Variants in ZNF638 observed in about 807,000 individuals in gnomAD.
ZNF638 encodes zinc finger protein 638, also known as CTCL tumor antigen se33-1.
ZNF638 carries 46 observed loss-of-function variants against 195.6 expected under a neutral mutation model. The ratio of observed to expected loss-of-function variants is 0.24; its 90% CI spans 0.19 to 0.30. The LOEUF (loss-of-function observed/expected upper bound fraction) is 0.30, where lower values mean the gene tolerates loss of function less well. Among genes scored for constraint, ZNF638 ranks in the 10% least tolerant of loss-of-function variants. The probability of loss-of-function intolerance (pLI) is 1.00; values close to 1 mark genes in which losing one functional copy is unlikely to be tolerated. For synonymous variants in ZNF638, 845 were observed against 772.0 expected, an observed-to-expected ratio of 1.09 and a Z score of -1.57; for missense variants, 2,440 against 2,325.3, an observed-to-expected ratio of 1.05 and a Z score of -1.01.
intron 6 of ZNF638, among the ~76,000 whole-genome samples, chr2:71,367,738 CTTTT>C (rs60228089): frequency 7.2e-4 from 104 of 145,006 alleles, no homozygotes; most frequent in African/African-American, 1.7e-3. Flanking sequence ...CAGGCCTGGC[CTTTT>C]TTTTTTTTTA....
At chr2:71,367,762 A>T (rs1380843785) in intron 6 of ZNF638, among the ~76,000 whole-genome samples, 2 of 147,286 alleles carry the variant, frequency 1.4e-5, no homozygotes, top group East Asian at 4.0e-4. Context: ...AAAAATATAG[A>T]GTCTTAGTAT....
chr2:71,419,493 G>C (rs2080377477), intron 21 of ZNF638, among the ~76,000 whole-genome samples: 1 of 152,146 alleles, frequency 6.6e-6, no homozygotes, highest in Admixed American at 6.5e-5. Flanking sequence ...TTTCTTCTCA[G>C]TAATTTTTAT....
intron 3 of ZNF638, among the ~76,000 whole-genome samples, chr2:71,358,983 T>C (rs1290904169): frequency 6.6e-6 from 1 of 152,214 alleles, no homozygotes; most frequent in Non-Finnish European, 1.5e-5. Context: ...ACATGTTCAT[T>C]TTTAAAAACA....
chr2:71,347,768 A>C (rs1412274821), intron 1 of ZNF638, among the ~76,000 whole-genome samples: 1 of 152,234 alleles, frequency 6.6e-6, no homozygotes, highest in African/African-American at 2.4e-5. Flanking sequence ...GTCAGCAACC[A>C]GTTTTAACTA....
chr2:71,355,600 A>G (rs774133562), intron 2 of ZNF638, 119 bp from the exon 3 acceptor site: 5 of 728,604 alleles, frequency 6.9e-6, no homozygotes, highest in Admixed American at 3.5e-5. Flanking sequence ...GCCAAATGCT[A>G]TTTATGAGTA....
chr2:71,348,737 G>A lies in ZNF638; in HGVS notation c.-202-16G>A. 6.6e-7 allele frequency: 1 copy of A among 1,512,380 alleles called. No homozygotes were observed. Among genetic ancestry groups the A allele is most frequent in the Non-Finnish European group, 8.8e-7 (1 of 1,133,214 alleles). The allele number at this position is 1,512,380 out of a possible 1,614,324, so 93.7% of individuals were successfully genotyped here. A position where few individuals can be genotyped will look rare whatever the true frequency, so the allele number is the denominator to read the frequency against. On this transcript the variant is annotated splice_polypyrimidine_tract_variant and intron_variant, in intron 1 of 27. Coordinates refer to ENST00000264447, the MANE Select transcript of ZNF638 (RefSeq NM_014497.5). ...TTTGAGTTAAAATGATCTAATATTT[G>A]TGTTTTAACTTTCAGCTTTGTGTTA... is the stretch of plus-strand genomic sequence containing the variant.
At chr2:71,385,234 T>A (rs2079612906) in intron 10 of ZNF638, among the ~76,000 whole-genome samples, 1 of 152,164 alleles carries the variant, frequency 6.6e-6, no homozygotes, top group Non-Finnish European at 1.5e-5. Flanking sequence ...ACAGTTTAAC[T>A]TAACAAAACT....
Position 71,350,077 on chromosome 2 carries a change from T to A in ZNF638, c.1123T>A (p.Ser375Thr). Residue 375 changes from serine to threonine, a missense_variant, in exon 2 of 28, where the codon TCA becomes ACA. Transcript: ENST00000264447. ...GSRGSKKNYQSQADIPIRSPF... is the reference protein window; with the variant it reads ...GSRGSKKNYQTQADIPIRSPF... ...AAGAGGAAGTAAAAAGAATTACCAG[T>A]CACAGGCTGACATTCCCATTCGGTC... 2 of 1,614,188 alleles carry A rather than the reference T, an allele frequency of 1.2e-6. No individual in the cohort carries two copies. The highest frequency in any genetic ancestry group is 1.1e-5 in the South Asian group (1 of 91,086).
At chr2:71,343,849 C>T (rs1370357324) in intron 1 of ZNF638, among the ~76,000 whole-genome samples, 1 of 151,960 alleles carries the variant, frequency 6.6e-6, no homozygotes, top group Non-Finnish European at 1.5e-5. Context: ...AACAGCTTGC[C>T]GCCAGGCGCG....
intron 3 of ZNF638, among the ~76,000 whole-genome samples, chr2:71,359,395 C>T (rs564273809): frequency 6.6e-6 from 1 of 152,326 alleles, no homozygotes; most frequent in Non-Finnish European, 1.5e-5. Context: ...AGAAGGGCAT[C>T]CCGCTCTGAG....
At chr2:71,367,438 T>A (rs1369247910) in intron 6 of ZNF638, among the ~76,000 whole-genome samples, 1 of 139,112 alleles carries the variant, frequency 7.2e-6, no homozygotes, top group South Asian at 2.3e-4. Flanking sequence ...TTAATTTTTT[T>A]TTTTTTTTTT....
rs773712131 is a variant in ZNF638 at position 71,426,511 on chromosome 2, A to G, written c.4642A>G (p.Ile1548Val). ...LDEFVTVDEV[I>V]EEVNPSQAKQ... Reference sequence around the variant, plus strand: ...TGAATTTGTTACTGTGGATGAGGTTATAGAAGAAGTGAATCCTTCTCAGGC... The same window carrying G: ...TGAATTTGTTACTGTGGATGAGGTTGTAGAAGAAGTGAATCCTTCTCAGGC... Residue 1548 changes from isoleucine (I) to valine (V), a missense_variant, in exon 24 of 28, where the codon ATA becomes GTA. Physicochemically the swap from Ile to Val is conservative, Grantham distance 29. Coordinates refer to ENST00000264447, the MANE Select transcript of ZNF638 (RefSeq NM_014497.5). 3.7e-6 allele frequency: 6 copies of G among 1,609,452 alleles called. No homozygotes were observed. The East Asian group carries it at 8.9e-5, about 24-fold the overall frequency.
At chr2:71,357,691 G>T (rs955346949) in intron 3 of ZNF638, among the ~76,000 whole-genome samples, 3 of 151,918 alleles carry the variant, frequency 2.0e-5, no homozygotes, top group East Asian at 3.8e-4. Context: ...CATACATGTA[G>T]GACCCTGATT....
intron 8 of ZNF638, among the ~76,000 whole-genome samples, chr2:71,373,121 T>C (rs934567781): frequency 1.3e-5 from 2 of 152,224 alleles, no homozygotes; most frequent in African/African-American, 4.8e-5. Context: ...CCTGGTAATT[T>C]ATGAGAGTAT....
intron 11 of ZNF638, among the ~76,000 whole-genome samples, chr2:71,398,293 T>G (rs2079936951): frequency 1.3e-5 from 2 of 152,168 alleles, no homozygotes; most frequent in South Asian, 2.1e-4. Context: ...CATATACACC[T>G]TATATACATA....
chr2:71,400,516 A>C lies in ZNF638; in HGVS notation c.2695A>C (p.Lys899Gln). 1 of 1,602,428 alleles carries C rather than the reference A, an allele frequency of 6.2e-7. No individual in the cohort carries two copies. Among genetic ancestry groups the C allele is most frequent in the Non-Finnish European group, 8.5e-7 (1 of 1,175,740 alleles). Reference sequence around the variant, plus strand: ...GGCCACAGAGAATGAACCACTTAACAAGGTCAGTTTTCATGTTTTATTTAT... The same window carrying C: ...GGCCACAGAGAATGAACCACTTAACCAGGTCAGTTTTCATGTTTTATTTAT... ...LEATENEPLN[K>Q]ETEEMCVMLV... is the part of the protein sequence containing the mutation. Residue 899 changes from lysine (K) to glutamine (Q), a missense_variant and splice_region_variant, in exon 15 of 28, where the codon AAG becomes CAG. Coordinates refer to ENST00000264447, the MANE Select transcript of ZNF638 (RefSeq NM_014497.5).
At chr2:71,333,193 A>G (rs2078603905) in intron 1 of ZNF638, 1 of 152,238 alleles carries the variant, frequency 6.6e-6, no homozygotes, top group East Asian at 1.9e-4. Context: ...GCTGTCTTTT[A>G]AAAAAGTTTG....
intron 15 of ZNF638, 42 bp downstream of exon 15, chr2:71,400,560 A>T (rs2079986316): frequency 4.6e-6 from 7 of 1,507,670 alleles, no homozygotes; most frequent in African/African-American, 1.4e-5. Context: ...AGCTCAAGAC[A>T]TTTTAACAAA....
chr2:71,363,740 A>C (rs1558843297), intron 4 of ZNF638, among the ~76,000 whole-genome samples: 1 of 152,230 alleles, frequency 6.6e-6, no homozygotes, highest in Non-Finnish European at 1.5e-5. Flanking sequence ...ACATCCAAGC[A>C]ATTGGAGGGC....
Sources: allele counts gnomAD v4.1 joint callset (sites outside exome capture counted in the v4.1 genomes callset), GRCh38; gene constraint gnomAD v4.1.1; transcripts MANE v1.5; gene names NCBI Gene and HGNC (gene_info 2026-07-23, HGNC 2026-07-21).